The following PSMB8 variants were observed in gnomAD, a reference collection of about 807,000 sequenced individuals.
PSMB8 encodes the protein proteasome subunit beta type-8.
Under a neutral mutation model 32.3 loss-of-function variants are expected in PSMB8, and 20 were observed. That is an observed-to-expected ratio of 0.62 (90% CI 0.44 to 0.90). The LOEUF (loss-of-function observed/expected upper bound fraction) is 0.90. Ranked by LOEUF, PSMB8 falls within the 40% of genes least tolerant of loss-of-function variation. The pLI, the probability that PSMB8 is intolerant of heterozygous loss-of-function variation, is 0.00. For missense variants in PSMB8, 342 were observed against 365.4 expected (o/e 0.94, Z 0.52); for synonymous variants, 131 against 135.4 (o/e 0.97, Z 0.23).
chr6:32,841,892 A>G (rs1769929724), intron 4 of PSMB8, 157 bp from the exon 5 acceptor site: 1 of 1,021,726 alleles, frequency 9.8e-7, no homozygotes, highest in Non-Finnish European at 1.5e-6. Flanking sequence ...AACTTTAGAA[A>G]TGAAAAAGGA....
intron 1 of PSMB8, 122 bp downstream of exon 1, chr6:32,843,728 G>T: frequency 8.2e-7 from 1 of 1,219,152 alleles, no homozygotes; most frequent in Non-Finnish European, 1.2e-6. Context: ...CGCTCTCCGG[G>T]ACTGAAGGCT....
At chr6:32,841,181 C>T in intron 5 of PSMB8, 134 bp from the exon 6 acceptor site, 1 of 791,340 alleles carries the variant, frequency 1.3e-6, no homozygotes, top group South Asian at 1.4e-5. Flanking sequence ...TAATGCCCTT[C>T]TTCTGACTCT....
upstream of PSMB8, chr6:32,844,391 G>T: frequency 1.2e-6 from 2 of 1,613,944 alleles, no homozygotes; most frequent in African/African-American, 2.7e-5. Context: ...AGTGTCACGC[G>T]GGGTGGGGGT....
At position 32,840,750 on chromosome 6, in the gene PSMB8, G is replaced by T; in HGVS notation, c.*209C>A. 1.7e-6 allele frequency: 1 copy of T among 603,638 alleles called. No homozygotes were observed. The allele number at this position is 603,638 out of a possible 1,614,324, so 37.4% of individuals were successfully genotyped here. On this transcript the variant is annotated 3_prime_UTR_variant, in exon 6 of 6. Coordinates refer to ENST00000374882, the MANE Select transcript of PSMB8 (RefSeq NM_148919.4). ...ACCGTTTTTCTTTATTCTACTTAGT[G>T]GGGCACCCAGAAACTTCCCTGGGGG...
In PSMB8 at chr6:32,841,540, C is replaced by T. The variant is rs746897143; in HGVS notation, c.733G>A (p.Val245Ile). 30 of 1,612,162 alleles carry T rather than the reference C, an allele frequency of 1.9e-5. No homozygotes were observed. The highest frequency in any genetic ancestry group is 4.5e-5 in the East Asian group (2 of 44,890). ...ATHRDSYSGG[V>I]VNMYHMKEDG... ...AGCATTGGTCTCTTACTATTGACAACGCCTCCAGAATAGCTGTCTCTGTGA... is the reference window on the plus strand; with the variant it reads ...AGCATTGGTCTCTTACTATTGACAATGCCTCCAGAATAGCTGTCTCTGTGA... The change falls in exon 5 of 6, where the codon GTT becomes ATT. Residue 245 changes from valine to isoleucine, a missense_variant. By Grantham distance (29) the Val-to-Ile change is conservative. Transcript: ENST00000374882.
chr6:32,841,024 A>G lies in PSMB8; in HGVS notation c.766T>C (p.Trp256Arg). The change falls in exon 6 of 6, where the codon TGG (tryptophan) becomes CGG (arginine). Residue 256 changes from tryptophan to arginine, a missense_variant. By Grantham distance (101) the Trp-to-Arg change is moderately radical. Transcript: ENST00000374882. ...VNMYHMKEDG[W>R]VKVESTDVSD... Reference sequence around the variant, plus strand: ...ACATCTGTACTTTCTACTTTCACCCAACCATCTTCCTTCATGTGGTACACT... The same window carrying G: ...ACATCTGTACTTTCTACTTTCACCCGACCATCTTCCTTCATGTGGTACACT... 1 of 1,613,124 alleles carries G rather than the reference A, an allele frequency of 6.2e-7. No individual in the cohort carries two copies. Among genetic ancestry groups the G allele is most frequent in the Non-Finnish European group, 8.5e-7 (1 of 1,179,092 alleles).
intron 2 of PSMB8, 35 bp downstream of exon 2, chr6:32,842,899 GCCCAGCTC>G (rs1770011705): frequency 6.2e-7 from 1 of 1,613,762 alleles, no homozygotes; most frequent in Non-Finnish European, 8.5e-7. Flanking sequence ...GGAAAGGAGA[GCCCAGCTC>G]CCCAGATTCT....
At chr6:32,841,333 G>A (rs976296904) in intron 5 of PSMB8, among the ~76,000 whole-genome samples, 198 bp downstream of exon 5, 1 of 152,104 alleles carries the variant, frequency 6.6e-6, no homozygotes, top group Non-Finnish European at 1.5e-5. Context: ...CACCTCCCAG[G>A]TTCAAGTGAT....
chr6:32,842,779 G>A lies in PSMB8; in HGVS notation c.300C>T (p.Ala100=). 1.9e-6 allele frequency: 3 copies of A among 1,614,070 alleles called. No individual in the cohort carries two copies. The highest frequency in any genetic ancestry group is 2.5e-6 in the Non-Finnish European group (3 of 1,179,914). Residue 100 remains alanine (A), a synonymous_variant, in exon 3 of 6, where the codon GCC becomes GCT. Coordinates refer to ENST00000374882, the MANE Select transcript of PSMB8 (RefSeq NM_148919.4). ...SRASAGSYIS[A]LRVNKVIEIN... ...TCTCAATCACCTTGTTCACCCGTAA[G>A]GCACCTGGAAGAAGATGGAGCTTTG...
At chr6:32,841,862 C>A in intron 4 of PSMB8, 127 bp from the exon 5 acceptor site, 4 of 1,127,926 alleles carry the variant, frequency 3.5e-6, no homozygotes, top group African/African-American at 1.5e-5. Context: ...AATTAGGAAA[C>A]CACTTTGGTA....
rs886061309 is a variant in PSMB8, at chr6:32,840,781, C to T, written c.*178G>A. On this transcript the variant is annotated 3_prime_UTR_variant, in exon 6 of 6. Transcript: ENST00000374882. ...CCCAGAAACTTCCCTGGGGGAAATG[C>T]TTGTTCAAATAGAGAACACGCAGAA... 2.2e-5 allele frequency: 14 copies of T among 626,678 alleles called. No individual in the cohort carries two copies. Among genetic ancestry groups the T allele is most frequent in the African/African-American group, 1.8e-5 (1 of 54,582 alleles). The allele number at this position is 626,678 out of a possible 1,614,324, so 38.8% of individuals were successfully genotyped here.
rs777265725 is a variant in PSMB8, at chr6:32,841,673, C to A, written c.600G>T (p.Thr200=). 1 of 1,612,892 alleles carries A rather than the reference C, an allele frequency of 6.2e-7. No homozygotes were observed. Among genetic ancestry groups the A allele is most frequent in the South Asian group, 1.1e-5 (1 of 91,082 alleles). The change falls in exon 5 of 6, where the codon ACG becomes ACT. Residue 200 remains threonine, a synonymous_variant. Transcript: ENST00000374882. The part of the protein sequence containing the change: ...GTRLSGNMFS[T]GSGNTYAYGV... ...CGTAGGCATAAGTGTTCCCACTACC[C>A]GTGGAGAACATATTTCCTGAGAGCC...
At chr6:32,844,182 G>C (rs188570976), upstream of PSMB8, 2 of 1,543,690 alleles carry the variant, frequency 1.3e-6, no homozygotes, top group Non-Finnish European at 1.8e-6. Flanking sequence ...CGTTATGGGG[G>C]TCGGGGGAAT....
chr6:32,840,955 A>G lies in PSMB8; in HGVS notation c.*4T>C. ...GGAGACCTGCCCAGCTGCCACCACC[A>G]CCATTATTGATTGGCTTCCCGGTAC... On this transcript the variant is annotated 3_prime_UTR_variant, in exon 6 of 6. Coordinates refer to ENST00000374882, the MANE Select transcript of PSMB8 (RefSeq NM_148919.4). 6.2e-7 allele frequency: 1 copy of G among 1,610,596 alleles called. No individual in the cohort carries two copies. Among genetic ancestry groups the G allele is most frequent in the Non-Finnish European group, 8.5e-7 (1 of 1,176,930 alleles).
In PSMB8 at chr6:32,841,041, T is replaced by C; in HGVS notation, c.749A>G (p.His250Arg). 2 of 1,608,984 alleles carry C rather than the reference T, an allele frequency of 1.2e-6. No homozygotes were observed. Among genetic ancestry groups the C allele is most frequent in the Non-Finnish European group, 1.7e-6 (2 of 1,175,262 alleles). ...SYSGGVVNMY[H>R]MKEDGWVKVE... Reference sequence around the variant, plus strand: ...TTTCACCCAACCATCTTCCTTCATGTGGTACACTGTGGACAAATGAGAAAA... The same window carrying C: ...TTTCACCCAACCATCTTCCTTCATGCGGTACACTGTGGACAAATGAGAAAA... Residue 250 changes from histidine to arginine, a missense_variant, in exon 6 of 6, where the codon CAC (histidine) becomes CGC (arginine). Transcript: ENST00000374882.
rs764752883 is a variant in PSMB8, at chr6:32,842,961, G to A, written c.276C>T (p.Ala92=). Residue 92 remains alanine, a synonymous_variant, in exon 2 of 6, where the codon GCC becomes GCT. Transcript: ENST00000374882. The part of the protein sequence containing the change: ...HGVIAAVDSR[A]SAGSYISALR... ...ACTCACTAATGTAGGACCCAGCTGA[G>A]GCCCGAGAATCCACTGCTGCAATCA... 6.2e-7 allele frequency: 1 copy of A among 1,613,366 alleles called. No individual in the cohort carries two copies. The highest frequency in any genetic ancestry group is 2.2e-5 in the East Asian group (1 of 44,888).
Position 32,841,535 on chromosome 6 carries a change from G to T in PSMB8, c.738C>A (p.Val246=), listed in dbSNP as rs758258810. 6.2e-7 allele frequency: 1 copy of T among 1,611,858 alleles called. No homozygotes were observed. The highest frequency in any genetic ancestry group is 1.1e-5 in the South Asian group (1 of 91,028). The change falls in exon 5 of 6, where the codon GTC becomes GTA. Residue 246 remains valine (V), a synonymous_variant. Coordinates refer to ENST00000374882, the MANE Select transcript of PSMB8 (RefSeq NM_148919.4). ...THRDSYSGGV[V]NMYHMKEDGW... Reference sequence around the variant, plus strand: ...GTGGGAGCATTGGTCTCTTACTATTGACAACGCCTCCAGAATAGCTGTCTC... The same window carrying T: ...GTGGGAGCATTGGTCTCTTACTATTTACAACGCCTCCAGAATAGCTGTCTC...
upstream of PSMB8, chr6:32,844,650 C>T (rs141472088): frequency 4.3e-4 from 242 of 563,058 alleles, 1 homozygote; most frequent in African/African-American, 4.1e-3. Context: ...CCTAGCGTTG[C>T]TCCCTGCTTG....
intron 1 of PSMB8, among the ~76,000 whole-genome samples, 195 bp downstream of exon 1, chr6:32,843,655 T>G (rs1468378288): frequency 6.6e-6 from 1 of 152,202 alleles, no homozygotes; most frequent in Non-Finnish European, 1.5e-5. Context: ...TGTAACTCTT[T>G]GTCCTAACTT....
Sources: allele counts gnomAD v4.1 joint callset (sites outside exome capture counted in the v4.1 genomes callset), GRCh38; gene constraint gnomAD v4.1.1; transcripts MANE v1.5; gene names NCBI Gene and HGNC (gene_info 2026-07-23, HGNC 2026-07-21).